GBF1: variants seen among roughly 807,000 people sequenced by gnomAD.
The protein encoded by GBF1 is golgi brefeldin A resistant guanine nucleotide exchange factor 1.
In GBF1, 114 loss-of-function variants were observed where a neutral mutation model predicts 210.5. That is an observed-to-expected ratio of 0.54 (90% CI 0.47 to 0.63). The LOEUF (loss-of-function observed/expected upper bound fraction) is 0.63. GBF1 is among the 30% of genes least tolerant of loss of function. GBF1 has a pLI of 0.00. For synonymous variants in GBF1, 850 were observed against 889.2 expected, an observed-to-expected ratio of 0.96 and a Z score of 0.78; for missense variants, 1,851 against 2,357.7, an observed-to-expected ratio of 0.79 and a Z score of 4.45.
At chr10:102,372,808 A>C (rs1436941187) in intron 29 of GBF1, among the ~76,000 whole-genome samples, 1 of 152,232 alleles carries the variant, frequency 6.6e-6, no homozygotes, top group Non-Finnish European at 1.5e-5. Flanking sequence ...TAAAGCTATA[A>C]AAACTTTAGA....
intron 1 of GBF1, among the ~76,000 whole-genome samples, chr10:102,246,742 A>C (rs1178612352): frequency 6.6e-6 from 1 of 152,216 alleles, no homozygotes; most frequent in Non-Finnish European, 1.5e-5. Flanking sequence ...TGTGTTGTAA[A>C]GCTATAAAAG....
intron 3 of GBF1, among the ~76,000 whole-genome samples, chr10:102,296,482 C>T (rs531090502): frequency 2.6e-5 from 4 of 152,278 alleles, no homozygotes; most frequent in Admixed American, 6.5e-5. Context: ...CGGTGGCTCA[C>T]GCCTGTAATC....
chr10:102,369,286 G>T lies in GBF1; in HGVS notation c.3049G>T (p.Ala1017Ser). The change falls in exon 24 of 40, where the codon GCC becomes TCC. Residue 1017 changes from alanine to serine, a missense_variant. By Grantham distance (99) the Ala-to-Ser change is moderately conservative. This residue lies in a region of GBF1 where 967 missense variants were observed against 1,247.7 expected (regional missense o/e 0.78). Coordinates refer to ENST00000369983, the MANE Select transcript of GBF1 (RefSeq NM_001377137.1). ...HIAAKTVFHLAHRHGDILREG... is the reference protein window; with the variant it reads ...HIAAKTVFHLSHRHGDILREG... ...TGCAGCCAAGACAGTATTCCATTTG[G>T]CCCATCGTCATGGTGACATCCTGCG... 6.2e-7 allele frequency: 1 copy of T among 1,613,792 alleles called. No individual in the cohort carries two copies. Among genetic ancestry groups the T allele is most frequent in the Non-Finnish European group, 8.5e-7 (1 of 1,179,698 alleles).
At chr10:102,364,329 A>T (rs1267962253) in intron 17 of GBF1, among the ~76,000 whole-genome samples, 2 of 147,816 alleles carry the variant, frequency 1.4e-5, no homozygotes, top group Admixed American at 6.9e-5. Flanking sequence ...GGTTCAAGCA[A>T]TTCTTCTGCC....
chr10:102,338,704 T>G (rs1266916755), intron 3 of GBF1, among the ~76,000 whole-genome samples: 1 of 151,942 alleles, frequency 6.6e-6, no homozygotes, highest in African/African-American at 2.4e-5. Context: ...CCCAGCACTT[T>G]GGTAGGCCAA....
At chr10:102,374,635 G>C (rs747024108) in intron 29 of GBF1, among the ~76,000 whole-genome samples, 2 of 152,136 alleles carry the variant, frequency 1.3e-5, no homozygotes, top group East Asian at 1.9e-4. Context: ...GAACTGTTCA[G>C]TATGTTGTTT....
At chr10:102,337,921 C>T (rs2057881999) in intron 3 of GBF1, among the ~76,000 whole-genome samples, 1 of 152,104 alleles carries the variant, frequency 6.6e-6, no homozygotes, top group Non-Finnish European at 1.5e-5. Context: ...TTCAACTTGC[C>T]CCCAACCCCA....
At chr10:102,289,728 G>T (rs1001184830) in intron 3 of GBF1, among the ~76,000 whole-genome samples, 1 of 152,136 alleles carries the variant, frequency 6.6e-6, no homozygotes, top group Non-Finnish European at 1.5e-5. Flanking sequence ...AATCAGAGAG[G>T]TTCCAAAATT....
chr10:102,379,453 A>G lies in GBF1; in HGVS notation c.4645+19A>G. 1.2e-6 allele frequency: 2 copies of G among 1,614,012 alleles called. No individual in the cohort carries two copies. The highest frequency in any genetic ancestry group is 1.7e-6 in the Non-Finnish European group (2 of 1,179,956). ...CTGCAGGGTAAACCAGGAGGGGCAG[A>G]GGTAGGGAGTTTGGGGAGCATCAGG... On this transcript the variant is annotated intron_variant, in intron 34 of 39. Transcript: ENST00000369983.
At chr10:102,231,167 C>A in the GBF1 span, 1 of 1,413,278 alleles carries the variant, frequency 7.1e-7, no homozygotes. Context: ...GGGCGGGCCA[C>A]CCCGACGGGG....
At chr10:102,246,729 T>C (rs1408639147) in intron 1 of GBF1, among the ~76,000 whole-genome samples, 1 of 152,198 alleles carries the variant, frequency 6.6e-6, no homozygotes, top group African/African-American at 2.4e-5. Context: ...TTTGATAAAC[T>C]GCTGTGTTGT....
chr10:102,362,412 A>G, intron 14 of GBF1, 63 bp from the exon 15 acceptor site: 1 of 1,233,984 alleles, frequency 8.1e-7, no homozygotes, highest in East Asian at 2.3e-5. Context: ...GAAATTTTAG[A>G]AAATGATCAA....
chr10:102,280,606 A>C (rs560976085), intron 3 of GBF1, among the ~76,000 whole-genome samples: 2 of 152,208 alleles, frequency 1.3e-5, no homozygotes, highest in Non-Finnish European at 2.9e-5. Context: ...AAAATTAGCA[A>C]CTATATAAAA....
At chr10:102,261,946 G>A (rs1388387291) in intron 3 of GBF1, among the ~76,000 whole-genome samples, 3 of 152,010 alleles carry the variant, frequency 2.0e-5, no homozygotes, top group East Asian at 1.9e-4. Flanking sequence ...GTGCAGTGGC[G>A]TGATCTCAGC....
In GBF1 at chr10:102,365,597, G is replaced by A. The variant is rs779444857; in HGVS notation, c.2307G>A (p.Val769=). Residue 769 remains valine, a splice_region_variant and synonymous_variant, in exon 18 of 40, where the codon GTG becomes GTA. Transcript: ENST00000369983. ...RKNIDLLESF[V]STFSFQGLRL... is the part of the protein sequence containing the mutation. ...ACATTGACCTGTTGGAGAGCTTTGT[G>A]AGGTGAGGAAGCTGTAAGAAATGTG... is the stretch of plus-strand genomic sequence containing the variant. The A allele has an allele frequency of 6.2e-7, 1 of 1,613,442 alleles. No homozygotes were observed. The highest frequency in any genetic ancestry group is 8.5e-7 in the Non-Finnish European group (1 of 1,179,396).
chr10:102,302,637 T>C (rs1039265486), intron 3 of GBF1, among the ~76,000 whole-genome samples: 2 of 152,220 alleles, frequency 1.3e-5, no homozygotes, highest in African/African-American at 4.8e-5. Context: ...ATTCATGTAG[T>C]TATGATGTAG....
chr10:102,244,570 G>A (rs1174384946), upstream of GBF1, among the ~76,000 whole-genome samples: 1 of 152,162 alleles, frequency 6.6e-6, no homozygotes, highest in African/African-American at 2.4e-5. Context: ...GCCCCTTAGC[G>A]TTTCTAAGGC....
At chr10:102,368,670 C>T in intron 22 of GBF1, 69 bp from the exon 23 acceptor site, 1 of 1,109,034 alleles carries the variant, frequency 9.0e-7, no homozygotes, top group South Asian at 1.3e-5. Flanking sequence ...CCCATGCAAG[C>T]TCAGGGACTT....
intron 3 of GBF1, among the ~76,000 whole-genome samples, chr10:102,263,608 TC>T (rs2073496433): frequency 6.6e-6 from 1 of 152,172 alleles, no homozygotes; most frequent in Non-Finnish European, 1.5e-5. Flanking sequence ...CCTACACTAC[TC>T]CTCCAGGAAT....
Sources: allele counts gnomAD v4.1 joint callset (sites outside exome capture counted in the v4.1 genomes callset), GRCh38; gene constraint gnomAD v4.1.1; regional missense constraint gnomAD v4.1.1; transcripts MANE v1.5; gene names NCBI Gene and HGNC (gene_info 2026-07-23, HGNC 2026-07-21).